SIAE: variants seen among roughly 807,000 people sequenced by gnomAD.
The protein encoded by SIAE is sialic acid acetylesterase.
A neutral mutation model predicts 52.6 loss-of-function variants in SIAE; 39 were observed. The ratio of observed to expected loss-of-function variants is 0.74; its 90% confidence interval spans 0.57 to 0.97. The LOEUF (loss-of-function observed/expected upper bound fraction) is 0.97, where lower values mean the gene tolerates loss of function less well. SIAE is among the 50% of genes least tolerant of loss of function. The probability of loss-of-function intolerance (pLI) is 0.00; values close to 1 mark genes in which losing one functional copy is unlikely to be tolerated. For missense variants in SIAE, 592 were observed against 662.1 expected, an observed-to-expected ratio of 0.89 and a Z score of 1.16; for synonymous variants, 233 against 241.4, an observed-to-expected ratio of 0.97 and a Z score of 0.32.
At chr11:124,654,326 A>G in intron 4 of SIAE, 1 of 985,464 alleles carries the variant, frequency 1.0e-6, no homozygotes, top group Non-Finnish European at 1.2e-6. Flanking sequence ...TTGTCTACAG[A>G]CACAGAGACA....
At chr11:124,650,741 C>T (rs1303234302) in intron 4 of SIAE, among the ~76,000 whole-genome samples, 1 of 151,794 alleles carries the variant, frequency 6.6e-6, no homozygotes, top group South Asian at 2.1e-4. Context: ...CCATTGCACA[C>T]CAGCCTGGGC....
At chr11:124,673,928 C>T, upstream of SIAE, 1 of 586,758 alleles carries the variant, frequency 1.7e-6, no homozygotes, top group Non-Finnish European at 3.0e-6. Flanking sequence ...CCGGAACCGG[C>T]GGCACCAGCT....
chr11:124,638,753 C>A lies in SIAE; in HGVS notation c.1125-16G>T. ...AGGGTGGATGCTACAGGATAAGGAA[C>A]AAGTAGAGAACTTTGGGTTTAAGCT... On this transcript the variant is annotated splice_polypyrimidine_tract_variant and intron_variant, in intron 8 of 9. Coordinates refer to ENST00000263593, the MANE Select transcript of SIAE (RefSeq NM_170601.5). The A allele has an allele frequency of 6.2e-7, 1 of 1,611,464 alleles. No individual in the cohort carries two copies.
In SIAE at chr11:124,636,579, G is replaced by A; in HGVS notation, c.*372C>T. ...TATAAAGAACACATGAACACTAGCT[G>A]GCCTATGTGGCCTTTAAAATCTCTT... is the stretch of plus-strand genomic sequence containing the variant. On this transcript the variant is annotated 3_prime_UTR_variant, in exon 10 of 10. Transcript: ENST00000263593. 1 of 317,092 alleles carries A rather than the reference G, an allele frequency of 3.2e-6. No homozygotes were observed. The allele number at this position is 317,092 out of a possible 1,614,324, so 19.6% of individuals were successfully genotyped here.
intron 7 of SIAE, among the ~76,000 whole-genome samples, chr11:124,642,690 G>A: frequency 6.6e-6 from 1 of 152,212 alleles, no homozygotes; most frequent in Non-Finnish European, 1.5e-5. Context: ...ATAGGCTATG[G>A]CAAAGGTAAT....
chr11:124,647,373 G>A lies in SIAE; in HGVS notation c.958C>T (p.Leu320Phe). 6.2e-7 allele frequency: 1 copy of A among 1,614,218 alleles called. No homozygotes were observed. The highest frequency in any genetic ancestry group is 8.5e-7 in the Non-Finnish European group (1 of 1,180,052). ...GQTERFFPFG[L>F]VQLSSDLSKK... ...CTTTACCCACATCGTACCTGGACAA[G>A]TCCAAATGGGAAGAAACGCTCCGTC... Residue 320 changes from leucine (L) to phenylalanine (F), a missense_variant, in exon 7 of 10, where the codon CTT becomes TTT. Physicochemically the swap from Leu to Phe is conservative, Grantham distance 22 (BLOSUM62 0). Coordinates refer to ENST00000263593, the MANE Select transcript of SIAE (RefSeq NM_170601.5).
At position 124,670,832 on chromosome 11, in the gene SIAE, C is replaced by T. The variant is rs1395327781; in HGVS notation, c.68-1311G>A. 6.6e-6 allele frequency among the ~76,000 whole-genome samples: 1 copy of T among 152,320 alleles called. No individual in the cohort carries two copies. The highest frequency in any genetic ancestry group is 3.4e-3 in the Middle Eastern group (1 of 294). On this transcript the variant is annotated intron_variant, in intron 1 of 9. Coordinates refer to ENST00000263593, the MANE Select transcript of SIAE (RefSeq NM_170601.5). This position sits in a 1 kb window ranked among gnomAD's most constrained non-coding sequence, Gnocchi z 4.5. ...GAAGGCCTACTGGGCTGGAGATGCACGGTTACCATGAGCAAAATGCTCTAA... is the reference window on the plus strand; with the variant it reads ...GAAGGCCTACTGGGCTGGAGATGCATGGTTACCATGAGCAAAATGCTCTAA...
At chr11:124,658,061 G>A (rs7926579) in intron 3 of SIAE, among the ~76,000 whole-genome samples, 16,111 of 152,072 alleles carry the variant, frequency 0.11, 2,747 homozygotes, top group African/African-American at 0.36. Context: ...AGAGAGCACC[G>A]CTGCCTCTCT....
At chr11:124,639,055 TG>T (rs1343294672) in intron 8 of SIAE, among the ~76,000 whole-genome samples, 1 of 152,182 alleles carries the variant, frequency 6.6e-6, no homozygotes, top group Non-Finnish European at 1.5e-5. Context: ...CTCATAAGAT[TG>T]TTCCTAACCA....
chr11:124,646,636 C>A (rs911560276), intron 7 of SIAE, among the ~76,000 whole-genome samples: 1 of 152,128 alleles, frequency 6.6e-6, no homozygotes, highest in South Asian at 2.1e-4. Flanking sequence ...TAAATTTATA[C>A]AAATTCATGA....
At position 124,634,731 on chromosome 11, in the gene SIAE, C is replaced by CTAT. The variant is rs1942685104; in HGVS notation, c.*2217_*2219dup. On this transcript the variant is annotated 3_prime_UTR_variant, in exon 10 of 10. Coordinates refer to ENST00000263593, the MANE Select transcript of SIAE (RefSeq NM_170601.5). ...AACTGAAACACTCTAAATCTATATT[C>CTAT]TATTATTTACATAAGAAAATTATTT... 1 of 152,098 alleles carries CTAT rather than the reference C, an allele frequency of 6.6e-6. No individual in the cohort carries two copies. Among genetic ancestry groups the CTAT allele is most frequent in the Non-Finnish European group, 1.5e-5 (1 of 68,016 alleles). 9.4% of individuals were successfully genotyped at this position (152,098 alleles called of 1,614,324 possible).
chr11:124,637,737 C>G (rs1026523583), intron 9 of SIAE, among the ~76,000 whole-genome samples: 3 of 152,206 alleles, frequency 2.0e-5, no homozygotes, highest in African/African-American at 7.2e-5. Context: ...TCTCAATTCA[C>G]CTGGAACCCA....
Position 124,645,945 on chromosome 11 carries a change from A to G in SIAE, c.966+1420T>C, listed in dbSNP as rs1312411208. The stretch of plus-strand genomic sequence containing the variant: ...AAAAGGACAAGGTAGGGGAGTGGGG[A>G]GGATGGTGAGAAGTCATCTGTGGGG... On this transcript the variant is annotated intron_variant, in intron 7 of 9. Coordinates refer to ENST00000263593, the MANE Select transcript of SIAE (RefSeq NM_170601.5). The surrounding 1 kb of genome is among the most constrained non-coding windows in gnomAD (Gnocchi z 4.7). Among the ~76,000 whole-genome samples, 1 of 152,192 alleles carries G rather than the reference A, an allele frequency of 6.6e-6. No homozygotes were observed. Among genetic ancestry groups the G allele is most frequent in the African/African-American group, 2.4e-5 (1 of 41,458 alleles).
rs565779305 is a variant in SIAE, at chr11:124,633,492, A to G, written c.*3459T>C. ...AGAATTGAATGGTTAATGCACTGCC[A>G]TTCATAATTGCCAATTGAGGACAAC... is the stretch of plus-strand genomic sequence containing the variant. On this transcript the variant is annotated 3_prime_UTR_variant, in exon 10 of 10. Coordinates refer to ENST00000263593, the MANE Select transcript of SIAE (RefSeq NM_170601.5). The G allele has an allele frequency of 6.6e-6, 1 of 152,360 alleles. No individual in the cohort carries two copies. The highest frequency in any genetic ancestry group is 1.9e-4 in the East Asian group (1 of 5,182). 9.4% of individuals were successfully genotyped at this position (152,360 alleles called of 1,614,324 possible).
chr11:124,648,078 C>T lies in SIAE; in HGVS notation c.820G>A (p.Val274Ile), dbSNP rs1042605624. The T allele has an allele frequency of 1.9e-6, 3 of 1,612,776 alleles. No homozygotes were observed. The highest frequency in any genetic ancestry group is 2.7e-5 in the African/African-American group (2 of 74,902). Residue 274 changes from valine (V) to isoleucine (I), a missense_variant, in exon 6 of 10, where the codon GTA becomes ATA. Coordinates refer to ENST00000263593, the MANE Select transcript of SIAE (RefSeq NM_170601.5). The stretch of plus-strand genomic sequence containing the variant: ...ACTGAACACTTACCCTGGTACCATA[C>T]TACCCCTTTCAGAGTCATATTGCAC... The part of the protein sequence containing the change: ...PLCNMTLKGV[V>I]WYQGESNINY...
chr11:124,651,939 G>A (rs550768035), intron 4 of SIAE, among the ~76,000 whole-genome samples: 1 of 152,338 alleles, frequency 6.6e-6, no homozygotes, highest in East Asian at 1.9e-4. Context: ...GAGGGAAGAA[G>A]AGAGCTGGAG....
intron 4 of SIAE, among the ~76,000 whole-genome samples, chr11:124,651,633 GTT>G (rs1357341368): frequency 6.6e-6 from 1 of 151,982 alleles, no homozygotes; most frequent in Non-Finnish European, 1.5e-5. Flanking sequence ...GTATTAAGGA[GTT>G]TTAACACAAA....
chr11:124,644,998 G>T (rs958361447), intron 7 of SIAE, among the ~76,000 whole-genome samples: 2 of 152,030 alleles, frequency 1.3e-5, no homozygotes, highest in African/African-American at 4.8e-5. Flanking sequence ...ACATTATCTG[G>T]TATGTTCCCG....
intron 5 of SIAE, among the ~76,000 whole-genome samples, chr11:124,649,416 A>G (rs1328337843): frequency 7.2e-5 from 11 of 152,254 alleles, no homozygotes; most frequent in Non-Finnish European, 1.5e-5. Context: ...GGGGGAAAAG[A>G]TACTTTTTTT....
Sources: gnomAD v4.1 joint callset for allele counts (sites outside exome capture counted in the v4.1 genomes callset) on GRCh38, gnomAD v4.1.1 for gene constraint, Gnocchi (gnomAD v3.1) non-coding constraint, MANE v1.5 for transcripts, NCBI Gene and HGNC (gene_info 2026-07-23, HGNC 2026-07-21) for gene names.